ZRANB3: variants seen among roughly 807,000 people sequenced by gnomAD.
ZRANB3 encodes the protein DNA annealing helicase and endonuclease ZRANB3.
ZRANB3 carries 125 observed loss-of-function variants against 133.8 expected under a neutral mutation model. The ratio of observed to expected loss-of-function variants is 0.93; its 90% CI spans 0.81 to 1.08. The LOEUF (loss-of-function observed/expected upper bound fraction) is 1.08, where lower values mean the gene tolerates loss of function less well. ZRANB3 is among the 50% of genes least tolerant of loss of function. The pLI is 0.00. For synonymous variants in ZRANB3, 387 were observed against 432.7 expected (o/e 0.89, Z 1.31); for missense variants, 1,229 against 1,275.5 (o/e 0.96, Z 0.56).
intron 16 of ZRANB3, 44 bp from the exon 17 acceptor site, chr2:135,217,651 AT>A: frequency 1.9e-6 from 3 of 1,588,624 alleles, no homozygotes; most frequent in Non-Finnish European, 2.6e-6. Context: ...TCACAGGCAG[AT>A]ATCTTCCTTT....
At chr2:135,464,608 T>TA (rs150495717) in intron 2 of ZRANB3, among the ~76,000 whole-genome samples, 1 of 152,290 alleles carries the variant, frequency 6.6e-6, no homozygotes, top group African/African-American at 2.4e-5. Context: ...CCCCCTGAGA[T>TA]ATGAGGCTAG....
chr2:135,225,514 T>A (rs1000785947), intron 14 of ZRANB3, among the ~76,000 whole-genome samples: 1 of 152,220 alleles, frequency 6.6e-6, no homozygotes, highest in Non-Finnish European at 1.5e-5. Flanking sequence ...ATAACAACAA[T>A]GGCATTTTAC....
At chr2:135,298,664 G>C (rs1363715059) in intron 8 of ZRANB3, among the ~76,000 whole-genome samples, 1 of 152,158 alleles carries the variant, frequency 6.6e-6, no homozygotes, top group Non-Finnish European at 1.5e-5. Flanking sequence ...AGAGTCCTGT[G>C]ATGTGATCAG....
chr2:135,316,392 C>G (rs1457328404), intron 6 of ZRANB3, among the ~76,000 whole-genome samples: 24 of 152,136 alleles, frequency 1.6e-4, no homozygotes, highest in Admixed American at 1.6e-3. Flanking sequence ...ATCAATGTGA[C>G]AACCAAAATA....
intron 3 of ZRANB3, among the ~76,000 whole-genome samples, chr2:135,374,330 C>CGG (rs1686322407): frequency 6.6e-6 from 1 of 151,978 alleles, no homozygotes; most frequent in Non-Finnish European, 1.5e-5. Flanking sequence ...TGCTTGAACC[C>CGG]AGGATTGGGA....
At chr2:135,470,786 T>C (rs1691225962) in intron 2 of ZRANB3, among the ~76,000 whole-genome samples, 1 of 151,270 alleles carries the variant, frequency 6.6e-6, no homozygotes, top group South Asian at 2.1e-4. Flanking sequence ...ATTTTTTTAA[T>C]GATCACGAAA....
chr2:135,236,051 C>T (rs1261448245), intron 12 of ZRANB3, among the ~76,000 whole-genome samples: 2 of 152,234 alleles, frequency 1.3e-5, no homozygotes, highest in African/African-American at 2.4e-5. Context: ...ATCGTCTCAG[C>T]CCAAAATCTC....
At chr2:135,490,307 A>C (rs1375073591) in intron 2 of ZRANB3, among the ~76,000 whole-genome samples, 1 of 152,200 alleles carries the variant, frequency 6.6e-6, no homozygotes, top group Admixed American at 6.5e-5. Flanking sequence ...ACTCTATAGC[A>C]AAAAAAGAGA....
At position 135,417,026 on chromosome 2, in the gene ZRANB3, A is replaced by G. The variant is rs1022292893; in HGVS notation, c.162-26206T>C. 4.6e-5 allele frequency among the ~76,000 whole-genome samples: 7 copies of G among 152,312 alleles called. No individual in the cohort carries two copies. The South Asian group carries it at 1.5e-3, about 32-fold the overall frequency. ...AAAACCCTAGAAGAAAACCTAGGCA[A>G]TACCATTCAGGACACAGGCATGGGC... On this transcript the variant is annotated intron_variant, in intron 2 of 20. Transcript: ENST00000264159.
At chr2:135,327,749 T>C (rs1250813391) in intron 6 of ZRANB3, among the ~76,000 whole-genome samples, 1 of 152,166 alleles carries the variant, frequency 6.6e-6, no homozygotes, top group African/African-American at 2.4e-5. Context: ...AAAATGGACA[T>C]ACTATCATCT....
At chr2:135,281,950 A>G (rs1192431194) in intron 8 of ZRANB3, among the ~76,000 whole-genome samples, 1 of 152,216 alleles carries the variant, frequency 6.6e-6, no homozygotes, top group Non-Finnish European at 1.5e-5. Flanking sequence ...TATAAATGGA[A>G]TCATATAATA....
intron 3 of ZRANB3, among the ~76,000 whole-genome samples, chr2:135,368,825 GATCT>G (rs979892003): frequency 1.3e-5 from 2 of 151,700 alleles, no homozygotes; most frequent in African/African-American, 2.4e-5. Flanking sequence ...ATGAATTAAT[GATCT>G]ATTATAAAAT....
intron 2 of ZRANB3, among the ~76,000 whole-genome samples, chr2:135,399,065 A>G (rs924896029): frequency 9.2e-5 from 14 of 152,160 alleles, no homozygotes; most frequent in African/African-American, 2.9e-4. Flanking sequence ...TTAGATGATG[A>G]TTCTGGAGAA....
chr2:135,261,715 C>G (rs761299978), intron 12 of ZRANB3, among the ~76,000 whole-genome samples: 2 of 152,052 alleles, frequency 1.3e-5, no homozygotes, highest in East Asian at 3.8e-4. Flanking sequence ...TTCTTAATAT[C>G]TAGCTTAGAA....
intron 2 of ZRANB3, among the ~76,000 whole-genome samples, chr2:135,487,522 T>G (rs911981738): frequency 6.6e-6 from 1 of 152,246 alleles, no homozygotes; most frequent in Non-Finnish European, 1.5e-5. Context: ...CAAAATCTGT[T>G]GTTTAGTGTA....
chr2:135,420,420 G>A (rs1327059681), intron 2 of ZRANB3, among the ~76,000 whole-genome samples: 1 of 151,988 alleles, frequency 6.6e-6, no homozygotes. Context: ...CTGAACCCAG[G>A]ATCTTTGTAA....
At chr2:135,342,289 C>T (rs974688385) in intron 6 of ZRANB3, among the ~76,000 whole-genome samples, 6 of 149,986 alleles carry the variant, frequency 4.0e-5, no homozygotes, top group Non-Finnish European at 8.8e-5. Flanking sequence ...CTGCCCACCT[C>T]GGCCTCCCAA....
rs1684888191 is a variant in ZRANB3, at chr2:135,345,686, A to T, written c.592-51T>A. The T allele has an allele frequency of 1.0e-5, 13 of 1,272,122 alleles. 1 individual carries two copies. In the East Asian group the frequency reaches 3.2e-4, roughly 31 times the overall value. 78.8% of individuals were successfully genotyped at this position (1,272,122 alleles called of 1,614,324 possible). The stretch of plus-strand genomic sequence containing the variant: ...ATGTTGTAATATTTTCAAGTAAATT[A>T]TTATTACAATGATAAAACCATTTAA... On this transcript the variant is annotated intron_variant, in intron 5 of 20. Transcript: ENST00000264159.
intron 6 of ZRANB3, among the ~76,000 whole-genome samples, chr2:135,328,429 A>G (rs535263327): frequency 2.0e-5 from 3 of 152,230 alleles, no homozygotes; most frequent in East Asian, 1.9e-4. Flanking sequence ...TCCATGGTGT[A>G]TATGTACCAC....
Sources: allele counts gnomAD v4.1 joint callset (sites outside exome capture counted in the v4.1 genomes callset), GRCh38; gene constraint gnomAD v4.1.1; transcripts MANE v1.5; gene names NCBI Gene and HGNC (gene_info 2026-07-23, HGNC 2026-07-21).